KIAA1217: variants seen among roughly 807,000 people sequenced by gnomAD.
KIAA1217 encodes sickle tail protein homolog.
KIAA1217 carries 88 observed loss-of-function variants against 163.9 expected under a neutral mutation model. The observed-to-expected ratio is 0.54, with a 90% CI of 0.45 to 0.64. KIAA1217 has a LOEUF of 0.64. KIAA1217 is among the 30% of genes least tolerant of loss of function. The probability of loss-of-function intolerance (pLI) is 0.00; values close to 1 mark genes in which losing one functional copy is unlikely to be tolerated. For missense variants in KIAA1217, 2,372 were observed against 2,475.0 expected (o/e 0.96, Z 0.88); for synonymous variants, 903 against 923.1 (o/e 0.98, Z 0.39).
intron 2 of KIAA1217, among the ~76,000 whole-genome samples, chr10:24,322,294 G>C (rs2044275601): frequency 6.6e-6 from 1 of 152,144 alleles, no homozygotes; most frequent in Non-Finnish European, 1.5e-5. Context: ...AGAGGAGTGG[G>C]CTCCACCATA....
chr10:23,908,642 A>G (rs951885498), intron 1 of KIAA1217, among the ~76,000 whole-genome samples: 2 of 152,112 alleles, frequency 1.3e-5, no homozygotes, highest in African/African-American at 4.8e-5. Context: ...ATCTCCCCTG[A>G]GTGATGTCTA....
chr10:23,841,434 C>A (rs1838777176), intron 1 of KIAA1217, among the ~76,000 whole-genome samples: 1 of 152,026 alleles, frequency 6.6e-6, no homozygotes, highest in Non-Finnish European at 1.5e-5. Flanking sequence ...ATTTAATGTA[C>A]CAAAATAATT....
At chr10:23,988,720 A>G (rs1846087433) in intron 1 of KIAA1217, among the ~76,000 whole-genome samples, 2 of 152,196 alleles carry the variant, frequency 1.3e-5, no homozygotes, top group African/African-American at 4.8e-5. Context: ...ATTTACTTAC[A>G]TTAATAATTA....
At position 24,473,989 on chromosome 10, in the gene KIAA1217, C is replaced by G; in HGVS notation, c.1608C>G (p.Leu536=). ...CAGGATTATCCAGCCTTGTAGACCT[C>G]GGCCCTCCTCTAATGGAGAAGCAAG... ...SAAGLSSLVD[L]GPPLMEKQVF... Residue 536 remains leucine (L), a synonymous_variant, in exon 6 of 21, where the codon CTC becomes CTG. Transcript: ENST00000376454. 1 of 1,613,838 alleles carries G rather than the reference C, an allele frequency of 6.2e-7. No homozygotes were observed. The highest frequency in any genetic ancestry group is 8.5e-7 in the Non-Finnish European group (1 of 1,179,880).
intron 2 of KIAA1217, among the ~76,000 whole-genome samples, chr10:24,018,292 C>A (rs745949303): frequency 2.0e-5 from 3 of 152,054 alleles, no homozygotes; most frequent in Non-Finnish European, 2.9e-5. Flanking sequence ...TGATCTCTAA[C>A]ATGCTCAAGG....
intron 2 of KIAA1217, chr10:24,157,929 T>C (rs1330921980): frequency 1.1e-5 from 8 of 715,276 alleles, no homozygotes; most frequent in Non-Finnish European, 2.0e-5. Context: ...AATGCCCAGT[T>C]CTTACCTGGA....
At chr10:23,998,217 T>C (rs994418817) in intron 1 of KIAA1217, among the ~76,000 whole-genome samples, 5 of 152,192 alleles carry the variant, frequency 3.3e-5, no homozygotes, top group Admixed American at 1.3e-4. Flanking sequence ...GGTGCCTTTA[T>C]TTCTTTGTGT....
intron 2 of KIAA1217, among the ~76,000 whole-genome samples, chr10:24,330,361 A>G (rs766534269): frequency 6.6e-6 from 1 of 151,938 alleles, no homozygotes; most frequent in Non-Finnish European, 1.5e-5. Context: ...TACCCTTTGG[A>G]CATTTTTTGT....
intron 2 of KIAA1217, among the ~76,000 whole-genome samples, chr10:24,270,810 G>A (rs543059143): frequency 3.9e-5 from 6 of 152,302 alleles, no homozygotes; most frequent in African/African-American, 1.4e-4. Flanking sequence ...GCCTCCCAAG[G>A]TGATGGGATC....
At chr10:24,058,807 G>T (rs1011519804) in intron 2 of KIAA1217, among the ~76,000 whole-genome samples, 3 of 152,044 alleles carry the variant, frequency 2.0e-5, no homozygotes, top group African/African-American at 7.2e-5. Context: ...TTTTCTAAGG[G>T]TGTGTTAGGT....
At chr10:24,072,686 G>A (rs1387837113) in intron 2 of KIAA1217, among the ~76,000 whole-genome samples, 1 of 152,154 alleles carries the variant, frequency 6.6e-6, no homozygotes, top group African/African-American at 2.4e-5. Flanking sequence ...CCTAGGCTAT[G>A]CTTAGAACAC....
chr10:24,147,849 AAAAAAAAAAAAAAG>A (rs1165024098), intron 2 of KIAA1217, among the ~76,000 whole-genome samples: 2 of 149,208 alleles, frequency 1.3e-5, no homozygotes, highest in African/African-American at 2.5e-5. Context: ...AAAAAAAAAA[AAAAAAAAAAAAAAG>A]AAAGAAAGAG....
At chr10:24,470,676 ACTC>A in intron 5 of KIAA1217, among the ~76,000 whole-genome samples, 1 of 152,070 alleles carries the variant, frequency 6.6e-6, no homozygotes, top group Admixed American at 6.5e-5. Context: ...GAGCCTGCAT[ACTC>A]CAGGGGGCCC....
At chr10:24,403,694 CAGAA>C (rs1274645511) in intron 3 of KIAA1217, among the ~76,000 whole-genome samples, 1 of 152,100 alleles carries the variant, frequency 6.6e-6, no homozygotes, top group African/African-American at 2.4e-5. Context: ...GGATGAACTA[CAGAA>C]AGAGACATTT....
At chr10:24,107,073 C>T (rs750851801) in intron 2 of KIAA1217, among the ~76,000 whole-genome samples, 37 of 152,270 alleles carry the variant, frequency 2.4e-4, no homozygotes, top group Non-Finnish European at 4.3e-4. Flanking sequence ...GTCTGTTGTT[C>T]CCTTGATTTT....
intron 1 of KIAA1217, among the ~76,000 whole-genome samples, chr10:23,824,658 A>AAAAAAAT (rs1837805755): frequency 1.5e-4 from 8 of 53,054 alleles, no homozygotes; most frequent in Non-Finnish European, 1.8e-4. Context: ...AAATAAAAAA[A>AAAAAAAT]ATATATATAT....
chr10:24,020,724 C>G (rs1847695697), intron 2 of KIAA1217, among the ~76,000 whole-genome samples: 1 of 151,850 alleles, frequency 6.6e-6, no homozygotes, highest in Admixed American at 6.6e-5. Context: ...GGGATGATCC[C>G]TAGGAAGCCA....
intron 1 of KIAA1217, among the ~76,000 whole-genome samples, chr10:23,994,394 C>A (rs1846372311): frequency 6.6e-6 from 1 of 152,196 alleles, no homozygotes. Flanking sequence ...GACAGTCCCA[C>A]AGCCCAACAC....
chr10:24,547,195 G>A lies in KIAA1217; in HGVS notation c.*871G>A, dbSNP rs939316677. ...GGATTTTAAAATGTATACTCTGTAC[G>A]GTTCTGTAAACCGAAAAACTTTTGT... On this transcript the variant is annotated 3_prime_UTR_variant, in exon 21 of 21. Transcript: ENST00000376454. 1.3e-5 allele frequency: 2 copies of A among 151,882 alleles called. No individual in the cohort carries two copies. Among genetic ancestry groups the A allele is most frequent in the Non-Finnish European group, 2.9e-5 (2 of 67,964 alleles). The allele number at this position is 151,882 out of a possible 1,614,324, so 9.4% of individuals were successfully genotyped here. A position where few individuals can be genotyped will look rare whatever the true frequency, so the allele number is the denominator to read the frequency against.
Sources: allele counts gnomAD v4.1 joint callset (sites outside exome capture counted in the v4.1 genomes callset), GRCh38; gene constraint gnomAD v4.1.1; transcripts MANE v1.5; gene names NCBI Gene and HGNC (gene_info 2026-07-23, HGNC 2026-07-21).